Variants in RGS6 observed in about 807,000 individuals in gnomAD.
RGS6 encodes the protein regulator of G-protein signaling 6.
A neutral mutation model predicts 78.5 loss-of-function variants in RGS6; 30 were observed. That is an observed-to-expected ratio of 0.38 (90% CI 0.29 to 0.52). The LOEUF (loss-of-function observed/expected upper bound fraction) is 0.52, where lower values mean the gene tolerates loss of function less well. RGS6 is among the 20% of genes least tolerant of loss of function. RGS6 has a pLI of 0.85. For synonymous variants in RGS6, 206 were observed against 206.0 expected, an observed-to-expected ratio of 1.00 and a Z score of 0.00; for missense variants, 495 against 609.7, an observed-to-expected ratio of 0.81 and a Z score of 1.98.
chr14:72,416,326 A>G lies in RGS6; in HGVS notation c.185-38202A>G, dbSNP rs147124103. On this transcript the variant is annotated intron_variant, in intron 3 of 17. Coordinates refer to ENST00000553525, the MANE Select transcript of RGS6 (RefSeq NM_001204424.2). ...TCCCTCATGGACCTTGAGCCCTGACAAAAGTTAATAAAGATGGGTCTCCTT... is the reference window on the plus strand; with the variant it reads ...TCCCTCATGGACCTTGAGCCCTGACGAAAGTTAATAAAGATGGGTCTCCTT... Among the ~76,000 whole-genome samples the G allele has an allele frequency of 5.1e-3, 773 of 152,284 alleles. 3 individuals are homozygous for G. Among genetic ancestry groups the G allele is most frequent in the African/African-American group, 0.017 (725 of 41,566 alleles).
chr14:72,250,883 A>G (rs76848371), intron 2 of RGS6, among the ~76,000 whole-genome samples: 2,380 of 152,262 alleles, frequency 0.016, 56 homozygotes, highest in African/African-American at 0.055. Flanking sequence ...CCCCCTCTGA[A>G]GGTTCAAGTC....
chr14:72,486,111 A>G (rs1254706354), intron 12 of RGS6, among the ~76,000 whole-genome samples: 2 of 151,894 alleles, frequency 1.3e-5, no homozygotes, highest in African/African-American at 2.4e-5. Context: ...TCCCCCCTTC[A>G]TTCAGTTCTC....
intron 13 of RGS6, among the ~76,000 whole-genome samples, chr14:72,497,454 T>C (rs2096660235): frequency 6.6e-6 from 1 of 152,214 alleles, no homozygotes; most frequent in Non-Finnish European, 1.5e-5. Context: ...TATTTCTGAA[T>C]CTCATTCTTT....
At chr14:72,408,652 A>G (rs1686281245) in intron 3 of RGS6, among the ~76,000 whole-genome samples, 1 of 152,210 alleles carries the variant, frequency 6.6e-6, no homozygotes, top group South Asian at 2.1e-4. Flanking sequence ...TTCTTAGAGT[A>G]TATATTGAAT....
At chr14:72,123,647 T>C (rs933183299) in intron 2 of RGS6, among the ~76,000 whole-genome samples, 1 of 152,316 alleles carries the variant, frequency 6.6e-6, no homozygotes, top group Admixed American at 6.5e-5. Context: ...GAAAATTATG[T>C]GTAATGCTGA....
chr14:72,188,155 C>G (rs1031009079), intron 2 of RGS6, among the ~76,000 whole-genome samples: 2 of 151,976 alleles, frequency 1.3e-5, no homozygotes, highest in Non-Finnish European at 1.5e-5. Context: ...AGATAAGCTT[C>G]GTCCAGGCCT....
At chr14:72,448,511 GAAAA>G (rs144530661) in intron 3 of RGS6, among the ~76,000 whole-genome samples, 25 of 147,090 alleles carry the variant, frequency 1.7e-4, no homozygotes, top group African/African-American at 6.0e-4. Flanking sequence ...AGGCATAAAA[GAAAA>G]AAAAAAGACG....
intron 2 of RGS6, among the ~76,000 whole-genome samples, chr14:72,294,183 T>C (rs1409180730): frequency 6.6e-6 from 1 of 152,238 alleles, no homozygotes; most frequent in Non-Finnish European, 1.5e-5. Flanking sequence ...TTAGGGTACT[T>C]AACATGGTTT....
At chr14:72,003,824 G>A (rs533549326) in intron 2 of RGS6, among the ~76,000 whole-genome samples, 39 of 152,220 alleles carry the variant, frequency 2.6e-4, no homozygotes, top group African/African-American at 9.4e-4. Flanking sequence ...TCCCAAGTTG[G>A]GGCAACAGGG....
intron 2 of RGS6, among the ~76,000 whole-genome samples, chr14:72,173,613 A>G (rs998418957): frequency 2.0e-5 from 3 of 152,060 alleles, no homozygotes; most frequent in African/African-American, 4.8e-5. Flanking sequence ...TCCCTCTCCA[A>G]TAACCTCGAC....
intron 3 of RGS6, among the ~76,000 whole-genome samples, chr14:72,428,051 G>A (rs751331755): frequency 9.2e-5 from 14 of 152,144 alleles, no homozygotes; most frequent in South Asian, 4.1e-4. Flanking sequence ...AAGACCAAGC[G>A]GTAAAGGGAT....
chr14:71,873,921 T>C, the RGS6 span, among the ~76,000 whole-genome samples: 1 of 152,244 alleles, frequency 6.6e-6, no homozygotes, highest in African/African-American at 2.4e-5. Flanking sequence ...TTTCTTCTTT[T>C]TGTCAGGTTT....
intron 2 of RGS6, among the ~76,000 whole-genome samples, chr14:72,021,234 G>C (rs1236732938): frequency 5.3e-5 from 8 of 152,072 alleles, no homozygotes; most frequent in Non-Finnish European, 1.5e-5. Context: ...AGCCGTTGTG[G>C]ATAGGAAGCC....
chr14:72,529,606 C>T (rs970676239), intron 15 of RGS6, among the ~76,000 whole-genome samples: 9 of 152,134 alleles, frequency 5.9e-5, no homozygotes, highest in African/African-American at 2.2e-4. Context: ...CCTTGATTGT[C>T]TTTCTCCTCT....
At chr14:71,871,588 C>T in the RGS6 span, among the ~76,000 whole-genome samples, 1 of 152,090 alleles carries the variant, frequency 6.6e-6, no homozygotes, top group Admixed American at 6.6e-5. Flanking sequence ...AGCCTCTATT[C>T]CTGACTGTAG....
chr14:72,358,649 T>C (rs2080855380), intron 3 of RGS6, among the ~76,000 whole-genome samples: 1 of 152,270 alleles, frequency 6.6e-6, no homozygotes, highest in Non-Finnish European at 1.5e-5. Flanking sequence ...CCAGTGCCTG[T>C]ACCCACATTG....
At chr14:72,113,042 C>G (rs2095804233) in intron 2 of RGS6, among the ~76,000 whole-genome samples, 1 of 152,046 alleles carries the variant, frequency 6.6e-6, no homozygotes. Context: ...CAGCTCTTTC[C>G]TCTGCCAGGC....
intron 2 of RGS6, among the ~76,000 whole-genome samples, chr14:72,052,987 C>CTTTCTTTCTTTCTTTCTTTCTT (rs1567106192): frequency 3.1e-4 from 17 of 54,162 alleles, no homozygotes; most frequent in Non-Finnish European, 5.1e-4. Context: ...CTTTCTTTCT[C>CTTTCTTTCTTTCTTTCTTTCTT]TCTCTCTCTC....
chr14:72,288,448 C>A (rs1228582500), intron 2 of RGS6, among the ~76,000 whole-genome samples: 3 of 152,194 alleles, frequency 2.0e-5, no homozygotes, highest in Non-Finnish European at 2.9e-5. Flanking sequence ...GGCTAGGGGG[C>A]TACCCCCACA....
Sources: gnomAD v4.1 joint callset for allele counts (sites outside exome capture counted in the v4.1 genomes callset) on GRCh38, gnomAD v4.1.1 for gene constraint, MANE v1.5 for transcripts, NCBI Gene and HGNC (gene_info 2026-07-23, HGNC 2026-07-21) for gene names.